The following MAPKAP1 variants were observed in gnomAD, a reference collection of about 807,000 sequenced individuals.
MAPKAP1 encodes the protein MAPK associated protein 1.
A neutral mutation model predicts 65.7 loss-of-function variants in MAPKAP1; 20 were observed. That is an observed-to-expected ratio of 0.30 (90% CI 0.21 to 0.44). MAPKAP1 has a LOEUF of 0.44. MAPKAP1 is among the 20% of genes least tolerant of loss of function. The pLI, the probability that MAPKAP1 is intolerant of heterozygous loss-of-function variation, is 1.00. For synonymous variants in MAPKAP1, 222 were observed against 244.3 expected, an observed-to-expected ratio of 0.91 and a Z score of 0.85; for missense variants, 423 against 648.0, an observed-to-expected ratio of 0.65 and a Z score of 3.77.
chr9:125,507,061 C>T (rs1589244470), intron 7 of MAPKAP1, among the ~76,000 whole-genome samples: 3 of 152,122 alleles, frequency 2.0e-5, no homozygotes, highest in South Asian at 4.1e-4. Context: ...CAGTGGCTAC[C>T]GATTCACATT....
chr9:125,480,768 C>A (rs527417550), intron 9 of MAPKAP1, among the ~76,000 whole-genome samples: 2 of 151,362 alleles, frequency 1.3e-5, no homozygotes, highest in South Asian at 2.1e-4. Flanking sequence ...GTCAGGAGAT[C>A]GAGACCATCC....
intron 5 of MAPKAP1, among the ~76,000 whole-genome samples, chr9:125,576,448 G>A (rs561816130): frequency 3.9e-5 from 6 of 152,138 alleles, no homozygotes; most frequent in South Asian, 2.1e-4. Flanking sequence ...AAAAATAGTC[G>A]ATTAAAATTT....
rs10986833 is a variant in MAPKAP1 at position 125,665,252 on chromosome 9, G to T, written c.349+4566C>A. On this transcript the variant is annotated intron_variant, in intron 3 of 11. Coordinates refer to ENST00000265960, the MANE Select transcript of MAPKAP1 (RefSeq NM_001006617.3). ...GAACCCCAGAGGCGGATGTCACAGT[G>T]AGCCAAAACTGTGCCACTGCACTCC... Among the ~76,000 whole-genome samples, 547 of 152,268 alleles carry T rather than the reference G, an allele frequency of 3.6e-3. 1 individual carries two copies. Among genetic ancestry groups the T allele is most frequent in the Non-Finnish European group, 5.2e-3 (351 of 68,006 alleles).
chr9:125,510,250 C>T (rs1829259154), intron 7 of MAPKAP1, among the ~76,000 whole-genome samples: 1 of 152,180 alleles, frequency 6.6e-6, no homozygotes, highest in African/African-American at 2.4e-5. Flanking sequence ...ACCCTCCTTC[C>T]TCCTGCAAAC....
In MAPKAP1 at chr9:125,447,591, G is replaced by C. The variant is rs10986761; in HGVS notation, c.1346-2993C>G. The C allele has an allele frequency of 0.27, 113,576 of 424,692 alleles. 16,026 individuals carry two copies. Among genetic ancestry groups the C allele is most frequent in the African/African-American group, 0.38 (18,506 of 49,276 alleles). 26.3% of individuals were successfully genotyped at this position (424,692 alleles called of 1,614,324 possible). The stretch of plus-strand genomic sequence containing the variant: ...CTGCCCCGAGTTCCCCTCGCTAGCA[G>C]CCCTGTTTCGCTGGGCGGCCAGAAG... On this transcript the variant is annotated intron_variant, in intron 10 of 11. Transcript: ENST00000265960. The surrounding 1 kb of genome is among the most constrained non-coding windows in gnomAD (Gnocchi z 4.5).
intron 10 of MAPKAP1, among the ~76,000 whole-genome samples, chr9:125,446,536 C>T (rs1227937943): frequency 6.6e-6 from 1 of 152,078 alleles, no homozygotes; most frequent in East Asian, 1.9e-4. Flanking sequence ...CGGTGACATC[C>T]CTGTGTGGAG....
intron 6 of MAPKAP1, among the ~76,000 whole-genome samples, chr9:125,557,150 C>T (rs1830759915): frequency 6.6e-6 from 1 of 152,170 alleles, no homozygotes; most frequent in African/African-American, 2.4e-5. Flanking sequence ...CCCCCTCCTT[C>T]CTATTCTCCA....
intron 1 of MAPKAP1, among the ~76,000 whole-genome samples, chr9:125,680,085 GA>G (rs1262675061): frequency 4.0e-5 from 6 of 148,956 alleles, no homozygotes; most frequent in Middle Eastern, 3.4e-3. Context: ...GCAGATGCGA[GA>G]TTTTTTTTTT....
At chr9:125,586,691 C>T (rs1292780486) in intron 4 of MAPKAP1, among the ~76,000 whole-genome samples, 3 of 152,150 alleles carry the variant, frequency 2.0e-5, no homozygotes, top group Admixed American at 1.3e-4. Flanking sequence ...ATCCGCCAAC[C>T]TTCTGGCCAT....
intron 6 of MAPKAP1, among the ~76,000 whole-genome samples, chr9:125,557,318 T>C (rs2133205815): frequency 6.6e-6 from 1 of 152,294 alleles, no homozygotes; most frequent in Non-Finnish European, 1.5e-5. Flanking sequence ...TATGATCATG[T>C]GTTAACATTC....
At chr9:125,647,474 C>G (rs1833761308) in intron 4 of MAPKAP1, among the ~76,000 whole-genome samples, 1 of 152,204 alleles carries the variant, frequency 6.6e-6, no homozygotes, top group Non-Finnish European at 1.5e-5. Flanking sequence ...GGATAAGAAA[C>G]TGGCTCAGAT....
At position 125,491,536 on chromosome 9, in the gene MAPKAP1, GGAGGC is replaced by G. The variant is rs1854728730; in HGVS notation, c.1067-6958_1067-6954del. Among the ~76,000 whole-genome samples, 7 of 152,178 alleles carry G rather than the reference GGAGGC, an allele frequency of 4.6e-5. No homozygotes were observed. The South Asian group carries it at 1.5e-3, about 32-fold the overall frequency. On this transcript the variant is annotated intron_variant, in intron 8 of 11. Coordinates refer to ENST00000265960, the MANE Select transcript of MAPKAP1 (RefSeq NM_001006617.3). ...TCACCCCTGTAATCCCGGCACTTCT[GGAGGC>G]CAAGGCAGGTGAATTACTTGAGTCC... is the stretch of plus-strand genomic sequence containing the variant.
chr9:125,694,778 A>G (rs189588409), intron 1 of MAPKAP1, among the ~76,000 whole-genome samples: 1 of 152,344 alleles, frequency 6.6e-6, no homozygotes, highest in Non-Finnish European at 1.5e-5. Flanking sequence ...TACAAATGAA[A>G]TAAGCCCTGA....
intron 7 of MAPKAP1, among the ~76,000 whole-genome samples, chr9:125,525,572 C>G (rs1245988814): frequency 2.0e-5 from 3 of 152,088 alleles, no homozygotes; most frequent in Non-Finnish European, 4.4e-5. Flanking sequence ...ACTTGGGAGG[C>G]TGAGGCAGGA....
chr9:125,700,060 T>C (rs1451762954), intron 1 of MAPKAP1, among the ~76,000 whole-genome samples: 1 of 152,232 alleles, frequency 6.6e-6, no homozygotes, highest in Non-Finnish European at 1.5e-5. Context: ...GTCCCCATTT[T>C]GCAGACTGTC....
At chr9:125,614,044 C>T (rs1025681071) in intron 4 of MAPKAP1, among the ~76,000 whole-genome samples, 14 of 152,184 alleles carry the variant, frequency 9.2e-5, no homozygotes, top group Non-Finnish European at 1.6e-4. Context: ...GTGATCCACC[C>T]GCCTCGGCCT....
At chr9:125,570,922 TAAA>T (rs35868224) in intron 5 of MAPKAP1, among the ~76,000 whole-genome samples, 2 of 143,082 alleles carry the variant, frequency 1.4e-5, no homozygotes, top group African/African-American at 5.1e-5. Flanking sequence ...TGCTCTTTCA[TAAA>T]AAAAAAAAAT....
At chr9:125,584,784 C>T (rs979065503) in intron 5 of MAPKAP1, among the ~76,000 whole-genome samples, 1 of 152,090 alleles carries the variant, frequency 6.6e-6, no homozygotes, top group Non-Finnish European at 1.5e-5. Flanking sequence ...CTAAACCCTA[C>T]TGCTGGAAAG....
At chr9:125,581,171 CAG>C (rs1276445342) in intron 5 of MAPKAP1, among the ~76,000 whole-genome samples, 2 of 152,202 alleles carry the variant, frequency 1.3e-5, no homozygotes, top group Non-Finnish European at 2.9e-5. Flanking sequence ...CATTTGTATA[CAG>C]GTTTTTATGT....
Sources: gnomAD v4.1 joint callset for allele counts (sites outside exome capture counted in the v4.1 genomes callset) on GRCh38, gnomAD v4.1.1 for gene constraint, Gnocchi (gnomAD v3.1) non-coding constraint, MANE v1.5 for transcripts, NCBI Gene and HGNC (gene_info 2026-07-23, HGNC 2026-07-21) for gene names.